HNRNPM: variants seen among roughly 807,000 people sequenced by gnomAD.
HNRNPM encodes heterogeneous nuclear ribonucleoprotein M, also known as CEA receptor.
In HNRNPM, 11 loss-of-function variants were observed where a neutral mutation model predicts 73.1. The ratio of observed to expected loss-of-function variants is 0.15; its 90% confidence interval spans 0.09 to 0.25. The LOEUF is 0.25. HNRNPM is among the 10% of genes least tolerant of loss of function. The pLI is 1.00. For synonymous variants in HNRNPM, 407 were observed against 355.2 expected, an observed-to-expected ratio of 1.15 and a Z score of -1.64; for missense variants, 789 against 1,067.9, an observed-to-expected ratio of 0.74 and a Z score of 3.64.
chr19:8,460,086 C>T (rs181393906), intron 2 of HNRNPM, among the ~76,000 whole-genome samples: 2 of 152,242 alleles, frequency 1.3e-5, no homozygotes, highest in East Asian at 3.9e-4. Flanking sequence ...CAAGCTGTCA[C>T]CTCTACCCCT....
rs527891172 is a variant in HNRNPM, at chr19:8,473,465, A to T, written c.998-199A>T. ...GACAGAGCAATACTGTGTTTAAAAA[A>T]AAAAAAAATAGCTATATGATATTTG... On this transcript the variant is annotated intron_variant, in intron 10 of 15. Transcript: ENST00000325495. Among the ~76,000 whole-genome samples the T allele has an allele frequency of 1.5e-3, 226 of 152,228 alleles. 2 individuals are homozygous for T. The highest frequency in any genetic ancestry group is 0.01 in the Middle Eastern group (3 of 292).
chr19:8,488,416 C>G (rs1052219638), intron 15 of HNRNPM: 3 of 349,702 alleles, frequency 8.6e-6, no homozygotes, highest in African/African-American at 2.0e-5. Context: ...AACTTTCTGC[C>G]TATAAAGCTG....
chr19:8,476,676 C>G (rs1970531591), intron 12 of HNRNPM, among the ~76,000 whole-genome samples: 1 of 152,144 alleles, frequency 6.6e-6, no homozygotes, highest in African/African-American at 2.4e-5. Context: ...TCACGGTGCT[C>G]CCTGAGCTCT....
In HNRNPM at chr19:8,444,994, A is replaced by G; in HGVS notation, c.-5A>G. 7.1e-7 allele frequency: 1 copy of G among 1,410,396 alleles called. No homozygotes were observed. Among genetic ancestry groups the G allele is most frequent in the East Asian group, 2.9e-5 (1 of 34,496 alleles). 87.4% of individuals were successfully genotyped at this position (1,410,396 alleles called of 1,614,324 possible). A position where few individuals can be genotyped will look rare whatever the true frequency, so the allele number is the denominator to read the frequency against. Reference sequence around the variant, plus strand: ...TCGCTCACACAAAGCCCAGACGCGGAGAAAATGGCGGCAGGGGTCGAAGCG... The same window carrying G: ...TCGCTCACACAAAGCCCAGACGCGGGGAAAATGGCGGCAGGGGTCGAAGCG... On this transcript the variant is annotated 5_prime_UTR_variant, in exon 1 of 16. Transcript: ENST00000325495.
chr19:8,460,716 A>G (rs757467359), intron 2 of HNRNPM, among the ~76,000 whole-genome samples: 4 of 152,222 alleles, frequency 2.6e-5, no homozygotes, highest in Non-Finnish European at 5.9e-5. Flanking sequence ...TGGGACTTGA[A>G]TTTCGGCAAC....
chr19:8,471,952 C>T (rs1428457667), intron 10 of HNRNPM, among the ~76,000 whole-genome samples: 1 of 152,088 alleles, frequency 6.6e-6, no homozygotes, highest in Non-Finnish European at 1.5e-5. Context: ...GTGGGCGGAT[C>T]ACAAGGTCAG....
chr19:8,474,190 G>C lies in HNRNPM; in HGVS notation c.1066G>C (p.Gly356Arg). 1 of 1,598,760 alleles carries C rather than the reference G, an allele frequency of 6.3e-7. No individual in the cohort carries two copies. The highest frequency in any genetic ancestry group is 8.5e-7 in the Non-Finnish European group (1 of 1,173,644). Residue 356 changes from glycine to arginine, a missense_variant, in exon 12 of 16, where the codon GGT becomes CGT. Around this residue, in one of 4 missense-constraint regions of HNRNPM, gnomAD observed 604 missense variants for 744.0 expected, o/e 0.81. Transcript: ENST00000325495. ...AGGAATGGAGGGGCCCTTTGGTGGT[G>C]GTATGGAAAACATGGGTCGATTTGG... ...MGGMEGPFGG[G>R]MENMGRFGSG...
intron 1 of HNRNPM, among the ~76,000 whole-genome samples, chr19:8,450,392 G>A (rs1452392817): frequency 6.6e-6 from 1 of 152,140 alleles, no homozygotes; most frequent in Non-Finnish European, 1.5e-5. Context: ...TTGCAGATTA[G>A]GCACTCAATC....
intron 2 of HNRNPM, among the ~76,000 whole-genome samples, chr19:8,456,098 C>T (rs532776349): frequency 6.6e-6 from 1 of 152,180 alleles, no homozygotes; most frequent in Admixed American, 6.5e-5. Flanking sequence ...AACTTTTAGG[C>T]TTTTTCCCCT....
In HNRNPM at chr19:8,454,102, A is replaced by G. The variant is rs568256996; in HGVS notation, c.114-1303A>G. Among the ~76,000 whole-genome samples, 37 of 152,340 alleles carry G rather than the reference A, an allele frequency of 2.4e-4. No homozygotes were observed. The South Asian group carries it at 6.8e-3, about 28-fold the overall frequency. ...TGGATTTTTAAAAAGTGGTTAAAAT[A>G]TACATAAAATAGACCATTTTAACCA... is the stretch of plus-strand genomic sequence containing the variant. On this transcript the variant is annotated intron_variant, in intron 1 of 15. Transcript: ENST00000325495.
chr19:8,481,239 G>A (rs1218498433), intron 12 of HNRNPM, among the ~76,000 whole-genome samples: 1 of 152,198 alleles, frequency 6.6e-6, no homozygotes. Context: ...CGATACTAAG[G>A]GTGGCTTGGG....
chr19:8,448,923 A>T (rs1968416502), intron 1 of HNRNPM, among the ~76,000 whole-genome samples: 1 of 152,208 alleles, frequency 6.6e-6, no homozygotes, highest in African/African-American at 2.4e-5. Context: ...CTTTCGTTTT[A>T]AACACTTAAA....
chr19:8,451,161 C>T (rs1027954001), intron 1 of HNRNPM, among the ~76,000 whole-genome samples: 1 of 152,044 alleles, frequency 6.6e-6, no homozygotes, highest in Non-Finnish European at 1.5e-5. Flanking sequence ...CCTGCCTCGG[C>T]CTCCCAAAGT....
chr19:8,470,314 T>G (rs1484223184), intron 9 of HNRNPM, among the ~76,000 whole-genome samples: 2 of 152,170 alleles, frequency 1.3e-5, no homozygotes, highest in African/African-American at 4.8e-5. Context: ...TTGTTTGCTT[T>G]CTTTCCTTCC....
chr19:8,484,635 G>A (rs571598002), intron 13 of HNRNPM, among the ~76,000 whole-genome samples: 3 of 152,344 alleles, frequency 2.0e-5, no homozygotes, highest in East Asian at 1.9e-4. Context: ...AGAAGCAGGC[G>A]CGGTGTGGCC....
At chr19:8,479,117 G>T in intron 12 of HNRNPM, among the ~76,000 whole-genome samples, 1 of 108,858 alleles carries the variant, frequency 9.2e-6, no homozygotes, top group South Asian at 3.0e-4. Flanking sequence ...ACAGAGTCTC[G>T]CTTTGTTGCC....
intron 7 of HNRNPM, among the ~76,000 whole-genome samples, chr19:8,466,828 C>CAAAAAAAAAAAAAA (rs61362863): frequency 1.8e-5 from 1 of 56,468 alleles, no homozygotes; most frequent in Non-Finnish European, 2.9e-5. Flanking sequence ...GACTCAGTCT[C>CAAAAAAAAAAAAAA]AAAAAAAAAA....
intron 8 of HNRNPM, among the ~76,000 whole-genome samples, chr19:8,467,981 C>T (rs950983579): frequency 6.6e-6 from 1 of 151,994 alleles, no homozygotes; most frequent in Admixed American, 6.5e-5. Context: ...GAGCCGAGAT[C>T]GTGCCACTGC....
chr19:8,462,661 T>G lies in HNRNPM; in HGVS notation c.336+80T>G. On this transcript the variant is annotated intron_variant, in intron 3 of 15. Coordinates refer to ENST00000325495, the MANE Select transcript of HNRNPM (RefSeq NM_005968.5). The surrounding 1 kb of genome is among the most constrained non-coding windows in gnomAD (Gnocchi z 4.5). The stretch of plus-strand genomic sequence containing the variant: ...TATGGTGGCGTGGAATCGAATGAAA[T>G]CAGGAAGGCAGTGAGTGCTCATGTT... 1 of 1,194,766 alleles carries G rather than the reference T, an allele frequency of 8.4e-7. No homozygotes were observed. Among genetic ancestry groups the G allele is most frequent in the Admixed American group, 1.7e-5 (1 of 59,408 alleles). The allele number at this position is 1,194,766 out of a possible 1,614,324, so 74.0% of individuals were successfully genotyped here.
Sources: gnomAD v4.1 joint callset for allele counts (sites outside exome capture counted in the v4.1 genomes callset) on GRCh38, gnomAD v4.1.1 for gene constraint, gnomAD v4.1.1 regional missense constraint, Gnocchi (gnomAD v3.1) non-coding constraint, MANE v1.5 for transcripts, NCBI Gene and HGNC (gene_info 2026-07-23, HGNC 2026-07-21) for gene names.